DNAH5: variants seen among roughly 807,000 people sequenced by gnomAD.
The protein encoded by DNAH5 is dynein axonemal heavy chain 5.
Under a neutral mutation model 518.2 loss-of-function variants are expected in DNAH5, and 372 were observed. The ratio of observed to expected loss-of-function variants is 0.72; its 90% CI spans 0.66 to 0.78. The LOEUF (loss-of-function observed/expected upper bound fraction) is 0.78. Among genes scored for constraint, DNAH5 ranks in the 30% least tolerant of loss-of-function variants. DNAH5 has a pLI of 0.00. For missense variants in DNAH5, 5,523 were observed against 5,687.0 expected (o/e 0.97, Z 0.93); for synonymous variants, 2,039 against 2,025.9 (o/e 1.01, Z -0.17).
intron 1 of DNAH5, among the ~76,000 whole-genome samples, chr5:13,951,021 T>TAATGTGATG (rs2152036344): frequency 6.6e-6 from 1 of 152,252 alleles, no homozygotes; most frequent in Non-Finnish European, 1.5e-5. Flanking sequence ...GAACCCTTAT[T>TAATGTGATG]AATGTGATGC....
chr5:13,911,140 G>A (rs1008706576), intron 12 of DNAH5, among the ~76,000 whole-genome samples: 19 of 152,172 alleles, frequency 1.2e-4, no homozygotes, highest in Non-Finnish European at 2.5e-4. Context: ...TTCTAAGAAC[G>A]TCAATGGAAG....
intron 5 of DNAH5, among the ~76,000 whole-genome samples, chr5:13,921,196 C>A (rs1777218716): frequency 6.6e-6 from 1 of 152,120 alleles, no homozygotes; most frequent in East Asian, 1.9e-4. Context: ...TGGGTGTTAG[C>A]TGGAGTCATC....
intron 47 of DNAH5, among the ~76,000 whole-genome samples, chr5:13,804,754 A>C (rs1173332269): frequency 1.3e-5 from 2 of 152,240 alleles, no homozygotes; most frequent in Admixed American, 6.5e-5. Context: ...TGGGAGCCTA[A>C]GGAATACTTC....
In DNAH5 at chr5:13,708,270, T is replaced by A. The variant is rs1743052660; in HGVS notation, c.13191A>T (p.Ile4397=). Residue 4397 remains isoleucine (I), a synonymous_variant, in exon 76 of 79, where the codon ATA becomes ATT. Transcript: ENST00000265104. ...GGCTGAGTACCCTTTGCATTCTGTC[T>A]ATTTCCTGCCTGAGGAAAATGTTCA... ...QPMNIFLRQE[I]DRMQRVLSLV... 6.2e-7 allele frequency: 1 copy of A among 1,614,050 alleles called. No individual in the cohort carries two copies. Among genetic ancestry groups the A allele is most frequent in the Admixed American group, 1.7e-5 (1 of 59,998 alleles).
At chr5:13,991,900 G>C (rs988525719) in intron 1 of DNAH5, among the ~76,000 whole-genome samples, 2 of 152,282 alleles carry the variant, frequency 1.3e-5, no homozygotes, top group Admixed American at 6.5e-5. Flanking sequence ...ACAGGGTCAG[G>C]ATTAAATTCT....
rs1004495169 is a variant in DNAH5, at chr5:13,729,106, G to A, written c.11883+333C>T. Among the ~76,000 whole-genome samples the A allele has an allele frequency of 7.2e-5, 11 of 152,184 alleles. 1 individual carries two copies. Among genetic ancestry groups the A allele is most frequent in the Admixed American group, 5.9e-4 (9 of 15,270 alleles). On this transcript the variant is annotated intron_variant, in intron 69 of 78. Coordinates refer to ENST00000265104, the MANE Select transcript of DNAH5 (RefSeq NM_001369.3). Reference sequence around the variant, plus strand: ...TTTTCATTTAACCTCTAGAAAGAAGGAAAAGGCTTTTTAAGTCTATCTAAT... The same window carrying A: ...TTTTCATTTAACCTCTAGAAAGAAGAAAAAGGCTTTTTAAGTCTATCTAAT...
intron 40 of DNAH5, among the ~76,000 whole-genome samples, chr5:13,821,213 T>C (rs1333096905): frequency 6.6e-6 from 1 of 152,196 alleles, no homozygotes; most frequent in Non-Finnish European, 1.5e-5. Flanking sequence ...TTCGATTGAA[T>C]GAACCTCTGA....
At chr5:13,839,629 C>T (rs987332665) in intron 34 of DNAH5, 101 bp from the exon 35 acceptor site, 58 of 1,075,984 alleles carry the variant, frequency 5.4e-5, no homozygotes, top group Non-Finnish European at 7.8e-5. Context: ...ATAAATGAAA[C>T]TCACAGACAA....
At chr5:13,928,994 A>G (rs1778154159) in intron 2 of DNAH5, among the ~76,000 whole-genome samples, 1 of 152,236 alleles carries the variant, frequency 6.6e-6, no homozygotes, top group African/African-American at 2.4e-5. Flanking sequence ...ACTTCTGGGT[A>G]TATATCCCAA....
chr5:14,001,746 A>G (rs1163869580), intron 1 of DNAH5, among the ~76,000 whole-genome samples: 1 of 151,754 alleles, frequency 6.6e-6, no homozygotes, highest in Non-Finnish European at 1.5e-5. Flanking sequence ...TTTGAAGCAA[A>G]AGAGAAGCTG....
At chr5:13,716,727 T>A (rs746557659) in intron 73 of DNAH5, 37 bp from the exon 74 acceptor site, 13 of 1,400,518 alleles carry the variant, frequency 9.3e-6, no homozygotes, top group Non-Finnish European at 1.3e-5. Flanking sequence ...TAGAACTGAC[T>A]ACCGTTGCAT....
At chr5:13,956,555 TA>T (rs1581038353) in intron 1 of DNAH5, among the ~76,000 whole-genome samples, 1 of 152,192 alleles carries the variant, frequency 6.6e-6, no homozygotes, top group Non-Finnish European at 1.5e-5. Flanking sequence ...GGATATGCAG[TA>T]AAAGAACTCA....
chr5:13,829,823 C>T lies in DNAH5; in HGVS notation c.6250-119G>A, dbSNP rs186526452. ...GAATGACAACCAGGGAACTCATTTA[C>T]GTATCTCAATCTCGTTTTACCTGGA... On this transcript the variant is annotated intron_variant, in intron 37 of 78. Transcript: ENST00000265104. The T allele has an allele frequency of 5.5e-4, 650 of 1,183,376 alleles. 3 individuals carry two copies. The African/African-American group carries it at 8.2e-3, about 15-fold the overall frequency. The allele number at this position is 1,183,376 out of a possible 1,614,324, so 73.3% of individuals were successfully genotyped here.
chr5:13,854,084 G>C (rs1767263729), intron 30 of DNAH5, among the ~76,000 whole-genome samples: 1 of 152,046 alleles, frequency 6.6e-6, no homozygotes, highest in Non-Finnish European at 1.5e-5. Flanking sequence ...GATTCACCAA[G>C]GTTGAAATGA....
At chr5:13,898,515 A>T (rs1450547621) in intron 15 of DNAH5, 1 of 398,470 alleles carries the variant, frequency 2.5e-6, no homozygotes, top group Non-Finnish European at 4.4e-6. Context: ...TTAATATGAC[A>T]TGAAGTGGTG....
Position 13,914,592 on chromosome 5 carries a change from T to C in DNAH5, c.1248A>G (p.Gly416=). 1 of 1,613,356 alleles carries C rather than the reference T, an allele frequency of 6.2e-7. No homozygotes were observed. Among genetic ancestry groups the C allele is most frequent in the East Asian group, 2.2e-5 (1 of 44,826 alleles). ...GTGGCTGGTTCCAGATGGAAGCGGTTCCATTATTGGTAATATAGGCTTTAC... is the reference window on the plus strand; with the variant it reads ...GTGGCTGGTTCCAGATGGAAGCGGTCCCATTATTGGTAATATAGGCTTTAC... ...SACKAYITNN[G]TASIWNQPQD... is the part of the protein sequence containing the mutation. Residue 416 remains glycine (G), a synonymous_variant, in exon 10 of 79, where the codon GGA becomes GGG. Transcript: ENST00000265104.
At chr5:13,957,108 C>T (rs1339487127) in intron 1 of DNAH5, among the ~76,000 whole-genome samples, 1 of 152,132 alleles carries the variant, frequency 6.6e-6, no homozygotes, top group Non-Finnish European at 1.5e-5. Flanking sequence ...CCTATAAAAC[C>T]TTATGTTCAG....
intron 52 of DNAH5, among the ~76,000 whole-genome samples, chr5:13,785,807 C>A (rs1755894751): frequency 6.6e-6 from 1 of 152,146 alleles, no homozygotes; most frequent in African/African-American, 2.4e-5. Context: ...AACATAATGT[C>A]CTCAAGGCTT....
chr5:13,958,342 C>T (rs1232421826), intron 1 of DNAH5, among the ~76,000 whole-genome samples: 1 of 152,068 alleles, frequency 6.6e-6, no homozygotes, highest in Non-Finnish European at 1.5e-5. Flanking sequence ...TATCTTCTTG[C>T]AAGTTTAATT....
Sources: allele counts gnomAD v4.1 joint callset (sites outside exome capture counted in the v4.1 genomes callset), GRCh38; gene constraint gnomAD v4.1.1; transcripts MANE v1.5; gene names NCBI Gene and HGNC (gene_info 2026-07-23, HGNC 2026-07-21).